Variants in BRAF observed in about 807,000 individuals in gnomAD.
The protein encoded by BRAF is B-Raf proto-oncogene, serine/threonine kinase.
A neutral mutation model predicts 104.6 loss-of-function variants in BRAF; 16 were observed. The ratio of observed to expected loss-of-function variants is 0.15; its 90% CI spans 0.10 to 0.23. The LOEUF (loss-of-function observed/expected upper bound fraction) is 0.23. Ranked by LOEUF, BRAF falls within the 10% of genes least tolerant of loss-of-function variation. The probability of loss-of-function intolerance (pLI) is 1.00; values close to 1 mark genes in which losing one functional copy is unlikely to be tolerated. For missense variants in BRAF, 541 were observed against 937.3 expected (o/e 0.58, Z 5.52); for synonymous variants, 310 against 341.6 (o/e 0.91, Z 1.02).
intron 1 of BRAF, among the ~76,000 whole-genome samples, chr7:140,870,539 T>C (rs970989558): frequency 2.0e-5 from 3 of 152,182 alleles, no homozygotes; most frequent in African/African-American, 7.2e-5. Flanking sequence ...GGCATTCAGA[T>C]TCTAGGTAAT....
intron 14 of BRAF, among the ~76,000 whole-genome samples, chr7:140,756,169 C>G (rs1331396066): frequency 6.6e-6 from 1 of 151,990 alleles, no homozygotes; most frequent in African/African-American, 2.4e-5. Flanking sequence ...CAGTGATATA[C>G]CCAGCATAGA....
At chr7:140,838,965 T>G (rs948789852) in intron 2 of BRAF, among the ~76,000 whole-genome samples, 8 of 152,162 alleles carry the variant, frequency 5.3e-5, no homozygotes, top group African/African-American at 1.2e-4. Flanking sequence ...AATTACACAC[T>G]TTAAAAAAGT....
In BRAF at chr7:140,762,065, C is replaced by T. The variant is rs1004870998; in HGVS notation, c.1815-7832G>A. 1.1e-3 allele frequency among the ~76,000 whole-genome samples: 171 copies of T among 152,248 alleles called. 2 individuals carry two copies. Among genetic ancestry groups the T allele is most frequent in the East Asian group, 2.7e-3 (14 of 5,184 alleles). On this transcript the variant is annotated intron_variant, in intron 14 of 19. Transcript: ENST00000644969. ...TAATAGACATCTACAGAACTCTCCA[C>T]CCCAAATCAACAGAATATACATTTT...
chr7:140,817,453 T>A lies in BRAF; in HGVS notation c.505-8458A>T, dbSNP rs184202483. On this transcript the variant is annotated intron_variant, in intron 3 of 19. Coordinates refer to ENST00000644969, the MANE Select transcript of BRAF (RefSeq NM_001374258.1). The stretch of plus-strand genomic sequence containing the variant: ...ATTCTTCACAGAAATAGAAAAATAA[T>A]CCTAAAATTTATATGGAACTACCAA... Among the ~76,000 whole-genome samples the A allele has an allele frequency of 2.1e-4, 32 of 151,996 alleles. No individual in the cohort carries two copies. The East Asian group carries it at 4.8e-3, about 23-fold the overall frequency.
chr7:140,807,905 T>C, intron 5 of BRAF, 55 bp downstream of exon 5: 3 of 1,398,704 alleles, frequency 2.1e-6, no homozygotes, highest in East Asian at 2.3e-5. Flanking sequence ...TAAAAATTCA[T>C]TCATTAAAAT....
intron 7 of BRAF, among the ~76,000 whole-genome samples, chr7:140,797,351 T>G: frequency 6.6e-6 from 1 of 152,206 alleles, no homozygotes; most frequent in East Asian, 1.9e-4. Context: ...TCTCTCACTT[T>G]GTATTCAAAA....
At chr7:140,751,867 C>A (rs1407138078) in intron 16 of BRAF, among the ~76,000 whole-genome samples, 2 of 152,066 alleles carry the variant, frequency 1.3e-5, no homozygotes, top group African/African-American at 4.8e-5. Context: ...CAGCAGGGTG[C>A]CCGAAAGTCT....
At chr7:140,762,614 T>TG (rs1562946739) in intron 14 of BRAF, among the ~76,000 whole-genome samples, 1 of 150,594 alleles carries the variant, frequency 6.6e-6, no homozygotes, top group African/African-American at 2.4e-5. Context: ...TTTTTTTTTT[T>TG]TTTTTTTTTT....
At chr7:140,857,651 A>C (rs1026807940) in intron 1 of BRAF, among the ~76,000 whole-genome samples, 1 of 152,164 alleles carries the variant, frequency 6.6e-6, no homozygotes, top group Non-Finnish European at 1.5e-5. Flanking sequence ...CACAATGACT[A>C]CATTAATGGG....
At chr7:140,901,135 A>C (rs184011109) in intron 1 of BRAF, among the ~76,000 whole-genome samples, 229 of 152,356 alleles carry the variant, frequency 1.5e-3, no homozygotes, top group African/African-American at 5.2e-3. Flanking sequence ...TAAGCTTCCT[A>C]TGTTAAAAGA....
chr7:140,811,093 G>A (rs1448141523), intron 3 of BRAF, among the ~76,000 whole-genome samples: 1 of 152,190 alleles, frequency 6.6e-6, no homozygotes, highest in East Asian at 1.9e-4. Flanking sequence ...AATGTCAGCC[G>A]TGAGTTCAAT....
At chr7:140,861,022 A>C (rs1922283) in intron 1 of BRAF, among the ~76,000 whole-genome samples, 8,197 of 152,328 alleles carry the variant, frequency 0.054, 296 homozygotes, top group Admixed American at 0.091. Flanking sequence ...ATCAACATGA[A>C]TACATCTCAA....
intron 2 of BRAF, among the ~76,000 whole-genome samples, chr7:140,845,555 G>A (rs1387490776): frequency 6.6e-6 from 1 of 152,042 alleles, no homozygotes; most frequent in African/African-American, 2.4e-5. Context: ...TCTCAAAAAA[G>A]ATATACAAAT....
rs534460623 is a variant in BRAF, at chr7:140,915,370, T to C, written c.138+9196A>G. ...TGGTGTTATTAACTTAAAGGTTACA[T>C]ATTTAGTGCAAGAAAAAATATAAAA... On this transcript the variant is annotated intron_variant, in intron 1 of 19. Coordinates refer to ENST00000644969, the MANE Select transcript of BRAF (RefSeq NM_001374258.1). Among the ~76,000 whole-genome samples, 9 of 151,990 alleles carry C rather than the reference T, an allele frequency of 5.9e-5. No homozygotes were observed. The South Asian group carries it at 8.3e-4, about 14-fold the overall frequency.
chr7:140,819,902 G>A (rs950607370), intron 3 of BRAF, among the ~76,000 whole-genome samples: 7 of 151,956 alleles, frequency 4.6e-5, no homozygotes, highest in Non-Finnish European at 7.4e-5. Flanking sequence ...GAATTATCAC[G>A]GCCACAGAAC....
Position 140,749,469 on chromosome 7 carries a change from T to C in BRAF, c.1981-51A>G, listed in dbSNP as rs2128994813. The C allele has an allele frequency of 1.9e-6, 3 of 1,584,880 alleles. No homozygotes were observed. In the South Asian group the frequency reaches 3.3e-5, roughly 18 times the overall value. ...TTCTTCACTTCAATTGAATAAAGAC[T>C]GAAAAACAACCTACTATAATTCCTA... On this transcript the variant is annotated intron_variant, in intron 16 of 19. Coordinates refer to ENST00000644969, the MANE Select transcript of BRAF (RefSeq NM_001374258.1).
chr7:140,744,887 T>G (rs1797228970), intron 17 of BRAF, among the ~76,000 whole-genome samples: 1 of 152,120 alleles, frequency 6.6e-6, no homozygotes, highest in Non-Finnish European at 1.5e-5. Context: ...ATTAAAAAAT[T>G]AATAATCAGA....
At chr7:140,786,996 T>G (rs1463743455) in intron 9 of BRAF, among the ~76,000 whole-genome samples, 2 of 152,114 alleles carry the variant, frequency 1.3e-5, no homozygotes, top group Non-Finnish European at 2.9e-5. Flanking sequence ...AAACTGTAGA[T>G]AATACATTTT....
chr7:140,725,201 G>C lies in BRAF; in HGVS notation c.*1293C>G. 9.6e-7 allele frequency: 1 copy of C among 1,043,582 alleles called. No individual in the cohort carries two copies. The highest frequency in any genetic ancestry group is 5.7e-5 in the East Asian group (1 of 17,534). 64.6% of individuals were successfully genotyped at this position (1,043,582 alleles called of 1,614,324 possible). A position where few individuals can be genotyped will look rare whatever the true frequency, so the allele number is the denominator to read the frequency against. On this transcript the variant is annotated 3_prime_UTR_variant, in exon 20 of 20. Transcript: ENST00000644969. ...ATTCTAGATAAAAGACTAGAAAGAA[G>C]ATGTGGGATATAGTGTTAGGAATCA... is the stretch of plus-strand genomic sequence containing the variant.
Sources: gnomAD v4.1 joint callset for allele counts (sites outside exome capture counted in the v4.1 genomes callset) on GRCh38, gnomAD v4.1.1 for gene constraint, MANE v1.5 for transcripts, NCBI Gene and HGNC (gene_info 2026-07-23, HGNC 2026-07-21) for gene names.